The following WWOX variants were observed in gnomAD, a reference collection of about 807,000 sequenced individuals.
WWOX encodes WW domain containing oxidoreductase.
A neutral mutation model predicts 46.2 loss-of-function variants in WWOX; 69 were observed. That is an observed-to-expected ratio of 1.49 (90% CI 1.23 to 1.82). The LOEUF is 1.82. Ranked by LOEUF, WWOX falls within the 40% of genes most tolerant of loss-of-function variation. WWOX has a pLI of 0.00. For missense variants in WWOX, 919 were observed against 542.6 expected, an observed-to-expected ratio of 1.69 and a Z score of -6.89; for synonymous variants, 359 against 202.6, an observed-to-expected ratio of 1.77 and a Z score of -6.56.
intron 8 of WWOX, among the ~76,000 whole-genome samples, chr16:78,941,549 T>A (rs187243148): frequency 6.6e-6 from 1 of 151,864 alleles, no homozygotes; most frequent in East Asian, 2.0e-4. Flanking sequence ...GACGGGGGGA[T>A]AGAGTTATGA....
chr16:79,175,570 C>G (rs2050783974), intron 8 of WWOX, among the ~76,000 whole-genome samples: 1 of 152,054 alleles, frequency 6.6e-6, no homozygotes, highest in Non-Finnish European at 1.5e-5. Flanking sequence ...TGAAAGAATC[C>G]CAGGGAGTGG....
chr16:78,992,712 TTAGCTGGAAGGTAGCAAGAGGA>T (rs1225753482), intron 8 of WWOX, among the ~76,000 whole-genome samples: 3 of 152,050 alleles, frequency 2.0e-5, no homozygotes, highest in Non-Finnish European at 4.4e-5. Flanking sequence ...TTCATATGCA[TTAGCTGGAAGGTAGCAAGAGGA>T]AATCGCCTGC....
chr16:79,113,602 A>T (rs950931841), intron 8 of WWOX, among the ~76,000 whole-genome samples: 29 of 152,244 alleles, frequency 1.9e-4, no homozygotes, highest in African/African-American at 7.0e-4. Context: ...GTCGCCAAAG[A>T]AGGTCCCCAG....
At chr16:79,144,028 G>A (rs2050139318) in intron 8 of WWOX, among the ~76,000 whole-genome samples, 1 of 152,142 alleles carries the variant, frequency 6.6e-6, no homozygotes, top group African/African-American at 2.4e-5. Context: ...TTACTGAGTA[G>A]CTGTGACTAC....
chr16:78,746,136 T>C (rs1170786653), intron 8 of WWOX, among the ~76,000 whole-genome samples: 1 of 152,126 alleles, frequency 6.6e-6, no homozygotes, highest in African/African-American at 2.4e-5. Flanking sequence ...CGTTTTGATA[T>C]GATGAACCAT....
At chr16:78,487,032 A>G (rs554804934) in intron 8 of WWOX, among the ~76,000 whole-genome samples, 1 of 152,324 alleles carries the variant, frequency 6.6e-6, no homozygotes, top group South Asian at 2.1e-4. Context: ...GAGCAGACAC[A>G]TGTACCCTGC....
At chr16:78,847,188 A>G (rs866453727) in intron 8 of WWOX, among the ~76,000 whole-genome samples, 7 of 152,242 alleles carry the variant, frequency 4.6e-5, no homozygotes, top group Admixed American at 6.5e-5. Context: ...CATATTTAGA[A>G]CTAAGATCTA....
At position 78,384,125 on chromosome 16, in the gene WWOX, G is replaced by A. The variant is rs77525756; in HGVS notation, c.517-2735G>A. 5.9e-5 allele frequency among the ~76,000 whole-genome samples: 9 copies of A among 152,250 alleles called. No individual in the cohort carries two copies. The East Asian group carries it at 1.2e-3, about 20-fold the overall frequency. ...TTTTATGGGGGAAATACATACATGC[G>A]TTTTTATAATATGTAGCCTGCATAT... On this transcript the variant is annotated intron_variant, in intron 5 of 8. Coordinates refer to ENST00000566780, the MANE Select transcript of WWOX (RefSeq NM_016373.4).
chr16:78,265,678 CAA>C (rs61417547), intron 5 of WWOX, among the ~76,000 whole-genome samples: 73,562 of 132,226 alleles, frequency 0.56, 20,710 homozygotes, highest in East Asian at 0.82. Flanking sequence ...AACTCCATGT[CAA>C]AAAAAAAAAA....
At chr16:78,448,489 C>T (rs759800593) in intron 8 of WWOX, among the ~76,000 whole-genome samples, 19 of 151,996 alleles carry the variant, frequency 1.3e-4, no homozygotes, top group South Asian at 4.2e-4. Context: ...AACTTCTTAC[C>T]GACAAAGCTG....
rs1390393060 is a variant in WWOX, at chr16:78,105,885, T to TCC, written c.108-2537_108-2536dup. Among the ~76,000 whole-genome samples the TCC allele has an allele frequency of 2.0e-5, 3 of 152,294 alleles. No individual in the cohort carries two copies. The South Asian group carries it at 6.2e-4, about 32-fold the overall frequency. On this transcript the variant is annotated intron_variant, in intron 1 of 8. Transcript: ENST00000566780. ...GGCGTGATTTTGGCTCACTGCAACC[T>TCC]CCACCTCCCAGGTTCAGGAAATTCT...
intron 8 of WWOX, among the ~76,000 whole-genome samples, chr16:79,126,891 G>C (rs1353798894): frequency 1.3e-5 from 2 of 152,154 alleles, no homozygotes; most frequent in Non-Finnish European, 2.9e-5. Context: ...GGTAAATACA[G>C]CCTCTGTGTG....
intron 8 of WWOX, among the ~76,000 whole-genome samples, chr16:78,995,184 A>T (rs1296670876): frequency 6.6e-6 from 1 of 151,922 alleles, no homozygotes; most frequent in Non-Finnish European, 1.5e-5. Flanking sequence ...TTCCAAGCTC[A>T]GCTTCTCTCT....
intron 8 of WWOX, among the ~76,000 whole-genome samples, chr16:78,903,391 C>G (rs1943060107): frequency 6.6e-6 from 1 of 152,138 alleles, no homozygotes; most frequent in Admixed American, 6.5e-5. Flanking sequence ...GACTCCGCCT[C>G]CAGTCAGTAT....
chr16:78,720,932 G>C (rs1251404521), intron 8 of WWOX, among the ~76,000 whole-genome samples: 2 of 152,078 alleles, frequency 1.3e-5, no homozygotes, highest in Admixed American at 1.3e-4. Flanking sequence ...ATGAAACCAA[G>C]AGCACTTCTC....
intron 8 of WWOX, among the ~76,000 whole-genome samples, chr16:79,066,660 C>G (rs966967006): frequency 6.6e-6 from 1 of 152,168 alleles, no homozygotes; most frequent in African/African-American, 2.4e-5. Flanking sequence ...ATTCAGGTGC[C>G]CACTTAATTC....
intron 8 of WWOX, among the ~76,000 whole-genome samples, chr16:78,979,084 C>CTT (rs200040353): frequency 0.051 from 7,198 of 142,102 alleles, 575 homozygotes; most frequent in African/African-American, 0.17. Flanking sequence ...GAATTTCAGT[C>CTT]TTTTTTTTTT....
At chr16:78,913,329 C>G (rs2045160021) in intron 8 of WWOX, among the ~76,000 whole-genome samples, 1 of 151,976 alleles carries the variant, frequency 6.6e-6, no homozygotes, top group Admixed American at 6.6e-5. Context: ...ATTTTTGAGC[C>G]TCTGCCTGTT....
At chr16:78,710,496 A>ATATATATATATATATATATATATATT in intron 8 of WWOX, among the ~76,000 whole-genome samples, 2 of 134,442 alleles carry the variant, frequency 1.5e-5, no homozygotes, top group African/African-American at 2.7e-5. Context: ...ATATATATAT[A>ATATATATATATATATATATATATATT]TATTTATATA....
Sources: gnomAD v4.1 joint callset for allele counts (sites outside exome capture counted in the v4.1 genomes callset) on GRCh38, gnomAD v4.1.1 for gene constraint, MANE v1.5 for transcripts, NCBI Gene and HGNC (gene_info 2026-07-23, HGNC 2026-07-21) for gene names.